Variants in SETBP1 observed in about 807,000 individuals in gnomAD.
The protein encoded by SETBP1 is SET binding protein 1.
In SETBP1, 9 loss-of-function variants were observed where a neutral mutation model predicts 101.0. The observed-to-expected ratio is 0.09, with a 90% CI of 0.05 to 0.16. The LOEUF (loss-of-function observed/expected upper bound fraction) is 0.16. SETBP1 is among the 10% of genes least tolerant of loss of function. The probability of loss-of-function intolerance (pLI) is 1.00; values close to 1 mark genes in which losing one functional copy is unlikely to be tolerated. For synonymous variants in SETBP1, 818 were observed against 788.5 expected, an observed-to-expected ratio of 1.04 and a Z score of -0.63; for missense variants, 1,858 against 2,033.8, an observed-to-expected ratio of 0.91 and a Z score of 1.66.
At chr18:44,879,412 A>G (rs2069481175) in intron 3 of SETBP1, among the ~76,000 whole-genome samples, 1 of 152,150 alleles carries the variant, frequency 6.6e-6, no homozygotes, top group Non-Finnish European at 1.5e-5. Flanking sequence ...AACAGGATTG[A>G]AAAGATAAGC....
At chr18:44,766,472 A>T (rs1432718805) in intron 2 of SETBP1, among the ~76,000 whole-genome samples, 1 of 152,238 alleles carries the variant, frequency 6.6e-6, no homozygotes, top group Non-Finnish European at 1.5e-5. Context: ...AATTCCATCT[A>T]TACAAGTATC....
chr18:44,877,942 A>G (rs112147379), intron 3 of SETBP1, among the ~76,000 whole-genome samples: 2 of 152,176 alleles, frequency 1.3e-5, no homozygotes, highest in Non-Finnish European at 2.9e-5. Context: ...CATTCTGACC[A>G]TCTGAGGGCT....
intron 2 of SETBP1, among the ~76,000 whole-genome samples, chr18:44,712,882 T>G (rs528590259): frequency 2.2e-4 from 33 of 151,122 alleles, no homozygotes; most frequent in African/African-American, 7.5e-4. Flanking sequence ...CACAACTGAG[T>G]CACACTTCCA....
chr18:44,852,990 A>G (rs2072904404), intron 2 of SETBP1, among the ~76,000 whole-genome samples: 1 of 152,246 alleles, frequency 6.6e-6, no homozygotes, highest in African/African-American at 2.4e-5. Context: ...ATTCAACCCC[A>G]AAGCCAAGAG....
intron 4 of SETBP1, among the ~76,000 whole-genome samples, chr18:44,975,778 C>T (rs1183129123): frequency 1.3e-5 from 2 of 152,064 alleles, no homozygotes; most frequent in African/African-American, 4.8e-5. Context: ...TCTCCAAATC[C>T]ACCCATTAAG....
At chr18:44,975,578 C>T (rs1034504532) in intron 4 of SETBP1, among the ~76,000 whole-genome samples, 2 of 152,032 alleles carry the variant, frequency 1.3e-5, no homozygotes, top group African/African-American at 2.4e-5. Flanking sequence ...TCCAGCACCC[C>T]AAGAAGCATT....
chr18:44,710,631 T>C (rs1039862433), intron 2 of SETBP1, among the ~76,000 whole-genome samples: 1 of 152,086 alleles, frequency 6.6e-6, no homozygotes, highest in African/African-American at 2.4e-5. Flanking sequence ...TTTGTATTTT[T>C]AGTAGAGACG....
chr18:45,021,420 A>G (rs1404440912), intron 4 of SETBP1, among the ~76,000 whole-genome samples: 3 of 152,144 alleles, frequency 2.0e-5, no homozygotes, highest in East Asian at 3.9e-4. Flanking sequence ...AACTGCCTGT[A>G]TGGTTTCTAT....
intron 5 of SETBP1, among the ~76,000 whole-genome samples, chr18:45,056,405 A>G (rs1320246366): frequency 6.6e-6 from 1 of 152,216 alleles, no homozygotes; most frequent in Non-Finnish European, 1.5e-5. Flanking sequence ...TCTCATGCCC[A>G]AGTGTGACAG....
intron 2 of SETBP1, among the ~76,000 whole-genome samples, chr18:44,738,706 G>A (rs997906961): frequency 5.3e-5 from 8 of 151,202 alleles, no homozygotes; most frequent in East Asian, 1.9e-4. Context: ...CCCAGGAGGC[G>A]GAGGTTGCAG....
chr18:44,700,827 C>T (rs1203578404), intron 1 of SETBP1, among the ~76,000 whole-genome samples: 1 of 152,094 alleles, frequency 6.6e-6, no homozygotes. Flanking sequence ...TTCAGACTTC[C>T]CTTTCGTCAT....
intron 2 of SETBP1, among the ~76,000 whole-genome samples, chr18:44,708,810 T>TTTCCCTC (rs2069277976): frequency 6.6e-6 from 1 of 152,250 alleles, no homozygotes; most frequent in Non-Finnish European, 1.5e-5. Context: ...CTCTGAGGTC[T>TTTCCCTC]TGTTTCTGTT....
intron 2 of SETBP1, among the ~76,000 whole-genome samples, chr18:44,778,315 T>G (rs2071049756): frequency 6.6e-6 from 1 of 152,168 alleles, no homozygotes; most frequent in South Asian, 2.1e-4. Context: ...AACCTGGAGC[T>G]AGAGGGGGGT....
At chr18:44,932,248 A>T (rs1385032744) in intron 3 of SETBP1, among the ~76,000 whole-genome samples, 1 of 152,210 alleles carries the variant, frequency 6.6e-6, no homozygotes, top group East Asian at 1.9e-4. Flanking sequence ...CTTTTCTTTA[A>T]GAATGTTGAA....
At chr18:45,052,153 G>A (rs892052331) in intron 5 of SETBP1, among the ~76,000 whole-genome samples, 2 of 152,230 alleles carry the variant, frequency 1.3e-5, no homozygotes, top group Non-Finnish European at 2.9e-5. Flanking sequence ...AATATGAAGG[G>A]CTAAGAGATG....
Position 44,952,751 on chromosome 18 carries a change from A to G in SETBP1, c.3411A>G (p.Val1137=). Residue 1137 remains valine (V), a synonymous_variant, in exon 4 of 6, where the codon GTA becomes GTG. Coordinates refer to ENST00000649279, the MANE Select transcript of SETBP1 (RefSeq NM_015559.3). ...DMQPSLNPPK[V]GSASLSSGRL... The stretch of plus-strand genomic sequence containing the variant: ...AGCCTTCTCTGAACCCTCCCAAGGT[A>G]GGCAGTGCCAGTCTGTCCAGTGGTC... 1.9e-6 allele frequency: 3 copies of G among 1,614,150 alleles called. No individual in the cohort carries two copies. The highest frequency in any genetic ancestry group is 1.7e-5 in the Admixed American group (1 of 60,014).
At position 44,952,041 on chromosome 18, in the gene SETBP1, A is replaced by G; in HGVS notation, c.2701A>G (p.Asn901Asp). 6.2e-7 allele frequency: 1 copy of G among 1,614,094 alleles called. No individual in the cohort carries two copies. The highest frequency in any genetic ancestry group is 1.3e-5 in the African/African-American group (1 of 75,036). The change falls in exon 4 of 6, where the codon AAC becomes GAC. Residue 901 changes from asparagine to aspartate, a missense_variant. Asn to Asp is a conservative substitution (Grantham distance 23). This residue lies in a region of SETBP1 where 255 missense variants were observed against 300.1 expected (regional missense o/e 0.85). Transcript: ENST00000649279. ...CTCTTTTGATTTCTGCTCCCTGGAC[A>G]ACCCGGAGGCCATTCCGTCCGACAC... ...RYSFDFCSLD[N>D]PEAIPSDTST... is the part of the protein sequence containing the mutation.
intron 2 of SETBP1, among the ~76,000 whole-genome samples, chr18:44,834,713 A>G (rs1660359547): frequency 6.6e-6 from 1 of 152,248 alleles, no homozygotes; most frequent in South Asian, 2.1e-4. Flanking sequence ...TCAGAGATGA[A>G]TTAAGATAGA....
chr18:44,999,455 G>T (rs959005233), intron 4 of SETBP1, among the ~76,000 whole-genome samples: 2 of 152,174 alleles, frequency 1.3e-5, no homozygotes, highest in African/African-American at 4.8e-5. Context: ...TGCGTGATGG[G>T]AAGGTGAAAA....
Sources: allele counts gnomAD v4.1 joint callset (sites outside exome capture counted in the v4.1 genomes callset), GRCh38; gene constraint gnomAD v4.1.1; regional missense constraint gnomAD v4.1.1; transcripts MANE v1.5; gene names NCBI Gene and HGNC (gene_info 2026-07-23, HGNC 2026-07-21).